The following TBC1D32 variants were observed in gnomAD, a reference collection of about 807,000 sequenced individuals.
The protein encoded by TBC1D32 is protein broad-minded.
Under a neutral mutation model 170.3 loss-of-function variants are expected in TBC1D32, and 151 were observed. The ratio of observed to expected loss-of-function variants is 0.89; its 90% confidence interval spans 0.78 to 1.01. The LOEUF is 1.01. TBC1D32 is among the 50% of genes least tolerant of loss of function. TBC1D32 has a pLI of 0.00. For missense variants in TBC1D32, 1,464 were observed against 1,457.1 expected (o/e 1.00, Z -0.08); for synonymous variants, 498 against 488.0 (o/e 1.02, Z -0.27).
At chr6:121,190,677 A>T (rs980255826) in intron 22 of TBC1D32, among the ~76,000 whole-genome samples, 1 of 152,158 alleles carries the variant, frequency 6.6e-6, no homozygotes, top group South Asian at 2.1e-4. Flanking sequence ...CCCAAACCAA[A>T]TCTCACCAGA....
At chr6:121,105,896 G>T in intron 30 of TBC1D32, 127 bp downstream of exon 30, 2 of 1,091,386 alleles carry the variant, frequency 1.8e-6, no homozygotes, top group Non-Finnish European at 2.5e-6. Flanking sequence ...GGGGAGAAAA[G>T]CTAGCTTGAG....
At chr6:121,256,019 A>G in intron 16 of TBC1D32, 65 bp downstream of exon 16, 2 of 1,380,826 alleles carry the variant, frequency 1.4e-6, no homozygotes, top group South Asian at 1.3e-5. Flanking sequence ...GTACAACACT[A>G]TAATGGTGCT....
At chr6:121,254,560 G>A (rs1798722979) in intron 17 of TBC1D32, among the ~76,000 whole-genome samples, 1 of 151,952 alleles carries the variant, frequency 6.6e-6, no homozygotes. Flanking sequence ...TATAGAAAAT[G>A]TTTAGGGAAT....
intron 31 of TBC1D32, among the ~76,000 whole-genome samples, chr6:121,088,227 T>C (rs890623859): frequency 6.6e-6 from 1 of 152,126 alleles, no homozygotes; most frequent in Admixed American, 6.6e-5. Flanking sequence ...GATATGGGGA[T>C]TACACGTGTG....
intron 24 of TBC1D32, among the ~76,000 whole-genome samples, chr6:121,153,649 C>A (rs1582994923): frequency 6.6e-6 from 1 of 152,160 alleles, no homozygotes; most frequent in African/African-American, 2.4e-5. Flanking sequence ...TATCTATAAG[C>A]CCCTGACTGG....
intron 22 of TBC1D32, among the ~76,000 whole-genome samples, chr6:121,179,048 T>C (rs1348026961): frequency 2.0e-5 from 3 of 152,106 alleles, no homozygotes; most frequent in African/African-American, 7.2e-5. Flanking sequence ...ACAAAGTTTA[T>C]AGAAATTTTT....
intron 23 of TBC1D32, 107 bp from the exon 24 acceptor site, chr6:121,160,210 A>G: frequency 1.4e-6 from 1 of 724,894 alleles, no homozygotes; most frequent in Non-Finnish European, 2.3e-6. Flanking sequence ...CTTGCTCATA[A>G]ATTCTGCAGT....
At chr6:121,169,001 AT>A (rs1786554379) in intron 22 of TBC1D32, among the ~76,000 whole-genome samples, 1 of 152,192 alleles carries the variant, frequency 6.6e-6, no homozygotes, top group Admixed American at 6.6e-5. Flanking sequence ...GCCCAAAGCA[AT>A]TTATAGATTC....
At chr6:121,174,492 CA>C (rs1787492890) in intron 22 of TBC1D32, among the ~76,000 whole-genome samples, 1 of 152,072 alleles carries the variant, frequency 6.6e-6, no homozygotes, top group Non-Finnish European at 1.5e-5. Context: ...TTGGGGTATC[CA>C]GGCAAAACGA....
intron 26 of TBC1D32, among the ~76,000 whole-genome samples, chr6:121,118,422 T>C (rs946323753): frequency 2.6e-5 from 4 of 152,194 alleles, no homozygotes; most frequent in Non-Finnish European, 5.9e-5. Flanking sequence ...CTTTTAACTA[T>C]AAATGCAATA....
At chr6:121,112,765 A>C (rs1779314169) in intron 28 of TBC1D32, 106 bp from the exon 29 acceptor site, 1 of 1,040,582 alleles carries the variant, frequency 9.6e-7, no homozygotes, top group Non-Finnish European at 1.3e-6. Context: ...AGACATTCTT[A>C]TTCTGAATTT....
chr6:121,128,770 G>A (rs531763295), intron 25 of TBC1D32, among the ~76,000 whole-genome samples: 1 of 152,312 alleles, frequency 6.6e-6, no homozygotes, highest in South Asian at 2.1e-4. Flanking sequence ...GGATACTTGG[G>A]TATTGATTCT....
chr6:121,193,767 AG>A (rs1790372893), intron 22 of TBC1D32, among the ~76,000 whole-genome samples: 1 of 152,262 alleles, frequency 6.6e-6, no homozygotes, highest in Non-Finnish European at 1.5e-5. Context: ...AATTTATATT[AG>A]CAGAAAACTT....
intron 22 of TBC1D32, among the ~76,000 whole-genome samples, chr6:121,204,728 C>T (rs893961841): frequency 6.7e-6 from 1 of 149,350 alleles, no homozygotes; most frequent in Non-Finnish European, 1.5e-5. Context: ...CTTTTCTAGG[C>T]CTCTTTTGAG....
At chr6:121,333,738 G>A (rs1039244123) in intron 1 of TBC1D32, among the ~76,000 whole-genome samples, 1 of 152,184 alleles carries the variant, frequency 6.6e-6, no homozygotes, top group African/African-American at 2.4e-5. Context: ...GCGGGGGAAT[G>A]GATTATTAGG....
rs570276984 is a variant in TBC1D32, at chr6:121,208,973, T to C, written c.2482-3810A>G. Among the ~76,000 whole-genome samples, 3 of 152,194 alleles carry C rather than the reference T, an allele frequency of 2.0e-5. No homozygotes were observed. The East Asian group carries it at 5.8e-4, about 29-fold the overall frequency. ...CCATAGAATAACAGGTAGCCCCTCC[T>C]ATGGGGAATGGAGGACTATGGAATC... On this transcript the variant is annotated intron_variant, in intron 21 of 31. Coordinates refer to ENST00000398212, the MANE Select transcript of TBC1D32 (RefSeq NM_152730.6).
At chr6:121,106,560 T>G (rs989798805) in intron 29 of TBC1D32, among the ~76,000 whole-genome samples, 1 of 152,092 alleles carries the variant, frequency 6.6e-6, no homozygotes, top group African/African-American at 2.4e-5. Context: ...TATTCTTGGC[T>G]TTGGCCAATG....
At chr6:121,112,426 T>C in intron 29 of TBC1D32, 79 bp downstream of exon 29, 1 of 1,302,880 alleles carries the variant, frequency 7.7e-7, no homozygotes, top group South Asian at 1.8e-5. Context: ...CCTTCACAAA[T>C]AAAATTATGC....
chr6:121,285,399 T>A (rs115739206), intron 12 of TBC1D32, among the ~76,000 whole-genome samples: 199 of 152,278 alleles, frequency 1.3e-3, no homozygotes, highest in African/African-American at 4.6e-3. Flanking sequence ...ACAACACATG[T>A]GAAATGTCAT....
Sources: allele counts gnomAD v4.1 joint callset (sites outside exome capture counted in the v4.1 genomes callset), GRCh38; gene constraint gnomAD v4.1.1; transcripts MANE v1.5; gene names NCBI Gene and HGNC (gene_info 2026-07-23, HGNC 2026-07-21).